Variants in PRKN observed in about 807,000 individuals in gnomAD.
PRKN encodes parkin RBR E3 ubiquitin protein ligase, also known as E3 ubiquitin-protein ligase parkin.
In PRKN, 56 loss-of-function variants were observed where a neutral mutation model predicts 59.5. The ratio of observed to expected loss-of-function variants is 0.94; its 90% CI spans 0.76 to 1.18. The LOEUF (loss-of-function observed/expected upper bound fraction) is 1.18, where lower values mean the gene tolerates loss of function less well. Among genes scored for constraint, PRKN ranks in the 50% most tolerant of loss-of-function variants. The probability of loss-of-function intolerance (pLI) is 0.00; values close to 1 mark genes in which losing one functional copy is unlikely to be tolerated. For synonymous variants in PRKN, 250 were observed against 222.1 expected, an observed-to-expected ratio of 1.13 and a Z score of -1.12; for missense variants, 657 against 596.4, an observed-to-expected ratio of 1.10 and a Z score of -1.06.
At chr6:162,038,561 A>G (rs1783936127) in intron 5 of PRKN, among the ~76,000 whole-genome samples, 1 of 152,240 alleles carries the variant, frequency 6.6e-6, no homozygotes, top group Admixed American at 6.5e-5. Flanking sequence ...GCCTGTAAGT[A>G]TCATAACAAA....
intron 5 of PRKN, among the ~76,000 whole-genome samples, chr6:162,012,902 T>G (rs571436353): frequency 1.3e-5 from 2 of 152,294 alleles, no homozygotes; most frequent in South Asian, 4.1e-4. Context: ...GCTTTGATCA[T>G]TTGGTTCAGG....
intron 2 of PRKN, among the ~76,000 whole-genome samples, chr6:162,312,912 C>T (rs1056273563): frequency 6.6e-6 from 1 of 151,898 alleles, no homozygotes; most frequent in Non-Finnish European, 1.5e-5. Context: ...TCTACATTAT[C>T]TTTAAAAGAA....
chr6:161,488,678 G>A lies in PRKN; in HGVS notation c.1083+60176C>T, dbSNP rs558355000. Among the ~76,000 whole-genome samples, 5 of 151,668 alleles carry A rather than the reference G, an allele frequency of 3.3e-5. No individual in the cohort carries two copies. The highest frequency in any genetic ancestry group is 3.3e-4 in the Admixed American group (5 of 15,236). On this transcript the variant is annotated intron_variant, in intron 9 of 11. Transcript: ENST00000366898. This position sits in a 1 kb window ranked among gnomAD's most constrained non-coding sequence, Gnocchi z 4.5. Reference sequence around the variant, plus strand: ...TTTTTAAAATTTTTTGTAGAGGTGGGGTCTCACTATGTTGCCCAGGCTGGT... The same window carrying A: ...TTTTTAAAATTTTTTGTAGAGGTGGAGTCTCACTATGTTGCCCAGGCTGGT...
chr6:161,992,387 G>GT (rs1388488755), intron 5 of PRKN, among the ~76,000 whole-genome samples: 1 of 152,098 alleles, frequency 6.6e-6, no homozygotes, highest in East Asian at 1.9e-4. Flanking sequence ...AATGAAACAT[G>GT]TATCAATTCA....
intron 6 of PRKN, among the ~76,000 whole-genome samples, chr6:161,915,244 C>T (rs923265118): frequency 2.0e-5 from 3 of 152,056 alleles, no homozygotes; most frequent in African/African-American, 7.2e-5. Flanking sequence ...CGAGGTTGTG[C>T]CCTGCACTCC....
chr6:162,541,017 G>T (rs1306766699), intron 1 of PRKN, among the ~76,000 whole-genome samples: 4 of 152,118 alleles, frequency 2.6e-5, no homozygotes, highest in Non-Finnish European at 2.9e-5. Context: ...GATTAGAATA[G>T]AAAGAGGTGA....
chr6:161,370,591 C>CAAAAAAAAAAAAAAAAAA (rs560655971), intron 10 of PRKN, among the ~76,000 whole-genome samples: 12 of 57,836 alleles, frequency 2.1e-4, no homozygotes, highest in African/African-American at 3.4e-4. Flanking sequence ...GACTCTGTGT[C>CAAAAAAAAAAAAAAAAAA]AAAAAAAAAA....
At chr6:161,695,166 C>T (rs1785966598) in intron 7 of PRKN, among the ~76,000 whole-genome samples, 1 of 152,136 alleles carries the variant, frequency 6.6e-6, no homozygotes, top group South Asian at 2.1e-4. Flanking sequence ...TTATATCCTG[C>T]CTTGGTTAAG....
intron 2 of PRKN, among the ~76,000 whole-genome samples, chr6:162,265,026 G>A (rs997421776): frequency 3.9e-5 from 6 of 151,914 alleles, no homozygotes; most frequent in Admixed American, 6.6e-5. Flanking sequence ...ATCTGATATC[G>A]CCATACTCCA....
At chr6:162,283,284 C>A (rs568086096) in intron 2 of PRKN, among the ~76,000 whole-genome samples, 3 of 152,228 alleles carry the variant, frequency 2.0e-5, no homozygotes, top group South Asian at 4.2e-4. Context: ...GCCAATAAGT[C>A]TTTTTATTTT....
At chr6:161,478,577 G>C (rs958964054) in intron 9 of PRKN, among the ~76,000 whole-genome samples, 3 of 152,202 alleles carry the variant, frequency 2.0e-5, no homozygotes, top group African/African-American at 7.2e-5. Flanking sequence ...AGGTGCAGTG[G>C]CTCACACCTG....
intron 1 of PRKN, among the ~76,000 whole-genome samples, chr6:162,695,713 T>C (rs1016127541): frequency 6.6e-6 from 1 of 152,236 alleles, no homozygotes; most frequent in African/African-American, 2.4e-5. Context: ...AATAGTCTTT[T>C]GTAATTTAAG....
intron 6 of PRKN, among the ~76,000 whole-genome samples, chr6:161,855,953 G>A (rs1003674029): frequency 3.1e-4 from 47 of 152,182 alleles, no homozygotes; most frequent in Non-Finnish European, 1.6e-4. Context: ...TATGTATGTA[G>A]TTCATCAGGT....
intron 6 of PRKN, among the ~76,000 whole-genome samples, chr6:161,819,725 T>C (rs1408283926): frequency 6.6e-6 from 1 of 152,156 alleles, no homozygotes; most frequent in African/African-American, 2.4e-5. Context: ...ATTCAAAGGC[T>C]ACCTTTCAGA....
intron 7 of PRKN, among the ~76,000 whole-genome samples, chr6:161,738,304 C>T (rs1054073311): frequency 2.6e-5 from 4 of 152,130 alleles, no homozygotes; most frequent in East Asian, 3.9e-4. Flanking sequence ...AGCCAACAGA[C>T]GATTCTAGCA....
intron 10 of PRKN, among the ~76,000 whole-genome samples, chr6:161,374,450 T>C (rs1045824954): frequency 1.3e-5 from 2 of 149,520 alleles, no homozygotes; most frequent in Admixed American, 6.7e-5. Context: ...GATGGGTGTG[T>C]GGTGCATATG....
intron 2 of PRKN, among the ~76,000 whole-genome samples, chr6:162,440,541 T>C (rs2128166544): frequency 6.6e-6 from 1 of 152,246 alleles, no homozygotes; most frequent in South Asian, 2.1e-4. Flanking sequence ...CTGGAATAAT[T>C]ATTGACAGGG....
At position 161,405,599 on chromosome 6, in the gene PRKN, A is replaced by T. The variant is rs964398536; in HGVS notation, c.1084-18722T>A. On this transcript the variant is annotated intron_variant, in intron 9 of 11. Transcript: ENST00000366898. This position sits in a 1 kb window ranked among gnomAD's most constrained non-coding sequence, Gnocchi z 5.1. ...CCCTGTCTAAAAAATAAAATAAAATAAAAATTAAAAATAAATAAATAAATA... is the reference window on the plus strand; with the variant it reads ...CCCTGTCTAAAAAATAAAATAAAATTAAAATTAAAAATAAATAAATAAATA... Among the ~76,000 whole-genome samples the T allele has an allele frequency of 1.3e-4, 19 of 146,842 alleles. No individual in the cohort carries two copies. The highest frequency in any genetic ancestry group is 2.2e-4 in the Non-Finnish European group (15 of 66,740).
Position 161,350,129 on chromosome 6 carries a change from G to A in PRKN, c.1368C>T (p.Val456=), listed in dbSNP as rs1232210138. The A allele has an allele frequency of 3.1e-6, 5 of 1,613,544 alleles. No individual in the cohort carries two copies. Among genetic ancestry groups the A allele is most frequent in the Non-Finnish European group, 4.2e-6 (5 of 1,179,868 alleles). Residue 456 remains valine (V), a synonymous_variant, in exon 12 of 12, where the codon GTC becomes GTT. Coordinates refer to ENST00000366898, the MANE Select transcript of PRKN (RefSeq NM_004562.3). The stretch of plus-strand genomic sequence containing the variant: ...CGTCGAACCAGTGGTCCCCCATGCA[G>A]ACGCGGTTCCACTCGCAGCCACAGT... ...CWNCGCEWNR[V]CMGDHWFDV
Sources: allele counts gnomAD v4.1 joint callset (sites outside exome capture counted in the v4.1 genomes callset), GRCh38; gene constraint gnomAD v4.1.1; non-coding constraint Gnocchi (gnomAD v3.1); transcripts MANE v1.5; gene names NCBI Gene and HGNC (gene_info 2026-07-23, HGNC 2026-07-21).